Variants in AOPEP observed in about 807,000 individuals in gnomAD.
The protein encoded by AOPEP is aminopeptidase O.
Under a neutral mutation model 98.1 loss-of-function variants are expected in AOPEP, and 77 were observed. The observed-to-expected ratio is 0.78, with a 90% CI of 0.65 to 0.95. The LOEUF is 0.95. AOPEP is among the 40% of genes least tolerant of loss of function. The pLI, the probability that AOPEP is intolerant of heterozygous loss-of-function variation, is 0.00. For missense variants in AOPEP, 1,024 were observed against 1,024.7 expected (o/e 1.00, Z 0.01); for synonymous variants, 346 against 365.3 (o/e 0.95, Z 0.60).
At chr9:95,090,436 G>A (rs919058333), downstream of AOPEP, among the ~76,000 whole-genome samples, 8 of 152,178 alleles carry the variant, frequency 5.3e-5, no homozygotes, top group Middle Eastern at 6.3e-3. Flanking sequence ...TGCCGCCTCC[G>A]GCTGTCTGAA....
intron 1 of AOPEP, among the ~76,000 whole-genome samples, chr9:94,750,382 G>A (rs1425295329): frequency 6.6e-6 from 1 of 152,078 alleles, no homozygotes; most frequent in Non-Finnish European, 1.5e-5. Context: ...TCAGGAGATT[G>A]AGACCATCCT....
intron 5 of AOPEP, among the ~76,000 whole-genome samples, chr9:94,811,742 G>C (rs868209763): frequency 2.0e-5 from 3 of 152,324 alleles, no homozygotes; most frequent in Admixed American, 6.5e-5. Context: ...AACCACTCAG[G>C]TGCAGCCCCC....
chr9:95,004,137 G>A, intron 11 of AOPEP: 1 of 435,948 alleles, frequency 2.3e-6, no homozygotes, highest in Non-Finnish European at 4.6e-6. Flanking sequence ...AAAGTTAAAG[G>A]GATGGTCAAG....
the AOPEP span, chr9:95,114,534 T>A: frequency 9.0e-7 from 1 of 1,105,642 alleles, no homozygotes; most frequent in Non-Finnish European, 1.4e-6. Context: ...CCCAGACCAG[T>A]AATGCCTTCC....
intron 1 of AOPEP, among the ~76,000 whole-genome samples, chr9:94,737,868 C>A (rs1006766067): frequency 6.6e-6 from 1 of 152,070 alleles, no homozygotes; most frequent in Non-Finnish European, 1.5e-5. Context: ...TATGGTTCAG[C>A]TTAGGATGGA....
At position 94,948,532 on chromosome 9, in the gene AOPEP, G is replaced by A. The variant is rs560517129; in HGVS notation, c.1662-6645G>A. On this transcript the variant is annotated intron_variant, in intron 7 of 16. Coordinates refer to ENST00000375315, the MANE Select transcript of AOPEP (RefSeq NM_001193329.3). ...TCTCTTATCTTTGCAAATCGGAATA[G>A]CTGTCTACCTCCTTCAGCTTCTTTC... Among the ~76,000 whole-genome samples, 7 of 152,052 alleles carry A rather than the reference G, an allele frequency of 4.6e-5. No homozygotes were observed. In the South Asian group the frequency reaches 1.5e-3, roughly 32 times the overall value.
chr9:94,837,161 A>T (rs955941274), intron 5 of AOPEP, among the ~76,000 whole-genome samples: 1 of 152,200 alleles, frequency 6.6e-6, no homozygotes, highest in African/African-American at 2.4e-5. Context: ...AACAGAGGAG[A>T]TGGATAAATT....
At chr9:94,910,441 C>T (rs1233536343) in intron 5 of AOPEP, among the ~76,000 whole-genome samples, 2 of 152,202 alleles carry the variant, frequency 1.3e-5, no homozygotes, top group Non-Finnish European at 2.9e-5. Flanking sequence ...CCTTGCAGCA[C>T]GCAGCACATC....
At chr9:94,899,999 A>C (rs2050169691) in intron 5 of AOPEP, among the ~76,000 whole-genome samples, 1 of 152,142 alleles carries the variant, frequency 6.6e-6, no homozygotes, top group Non-Finnish European at 1.5e-5. Context: ...GAAATACTGA[A>C]CTATGAGTCT....
intron 1 of AOPEP, among the ~76,000 whole-genome samples, chr9:94,728,584 T>C (rs891378115): frequency 9.2e-5 from 14 of 152,154 alleles, no homozygotes; most frequent in Non-Finnish European, 1.8e-4. Context: ...GGGAGGGTTT[T>C]GTTCATTTGT....
chr9:94,887,181 C>G (rs1309942680), intron 5 of AOPEP, among the ~76,000 whole-genome samples: 3 of 151,364 alleles, frequency 2.0e-5, no homozygotes, highest in Non-Finnish European at 4.4e-5. Context: ...CCCGTCTCTA[C>G]AAAAAATTAA....
At chr9:94,938,017 G>A (rs2056530087) in intron 7 of AOPEP, among the ~76,000 whole-genome samples, 2 of 152,136 alleles carry the variant, frequency 1.3e-5, no homozygotes, top group Admixed American at 1.3e-4. Context: ...GGGACTACAG[G>A]CACATGCCAC....
chr9:94,728,866 G>T (rs1378440422), intron 1 of AOPEP, among the ~76,000 whole-genome samples: 1 of 152,240 alleles, frequency 6.6e-6, no homozygotes, highest in African/African-American at 2.4e-5. Flanking sequence ...ATGTGTGGAA[G>T]TTCTTGTGTG....
At chr9:94,862,926 C>A (rs1435374889) in intron 5 of AOPEP, among the ~76,000 whole-genome samples, 1 of 152,288 alleles carries the variant, frequency 6.6e-6, no homozygotes, top group East Asian at 1.9e-4. Flanking sequence ...CTTGATCATT[C>A]ACTAGAAAAG....
At chr9:94,868,929 C>T (rs1047986504) in intron 5 of AOPEP, among the ~76,000 whole-genome samples, 10 of 152,138 alleles carry the variant, frequency 6.6e-5, no homozygotes, top group Non-Finnish European at 1.3e-4. Flanking sequence ...CCTCTCAAAA[C>T]GTTTACTGTA....
chr9:95,116,455 CT>C, the AOPEP span, among the ~76,000 whole-genome samples: 1 of 152,222 alleles, frequency 6.6e-6, no homozygotes, highest in Non-Finnish European at 1.5e-5. Context: ...TGCTCTGAAA[CT>C]TTGAATCATT....
At chr9:94,968,805 T>C (rs2138379798) in intron 10 of AOPEP, among the ~76,000 whole-genome samples, 1 of 152,264 alleles carries the variant, frequency 6.6e-6, no homozygotes, top group Non-Finnish European at 1.5e-5. Context: ...ATTATAATCC[T>C]CTGTGTATCA....
Position 94,726,764 on chromosome 9 carries a change from CTCCCTGTTGGG to C in AOPEP, c.-136+20_-136+30del, listed in dbSNP as rs1829270264. 6.6e-6 allele frequency: 1 copy of C among 152,332 alleles called. No individual in the cohort carries two copies. The highest frequency in any genetic ancestry group is 3.1e-3 in the Middle Eastern group (1 of 318). The allele number at this position is 152,332 out of a possible 1,614,324, so 9.4% of individuals were successfully genotyped here. A position where few individuals can be genotyped will look rare whatever the true frequency, so the allele number is the denominator to read the frequency against. On this transcript the variant is annotated intron_variant, in intron 1 of 16. Coordinates refer to ENST00000375315, the MANE Select transcript of AOPEP (RefSeq NM_001193329.3). ...GCGGCTGAGACAGGTAACCTGTTCG[CTCCCTGTTGGG>C]TCCCTGCCTTCCTCTCCTCCGGCGT... is the stretch of plus-strand genomic sequence containing the variant.
chr9:95,080,649 T>G (rs2069638986), intron 14 of AOPEP, 45 bp from the exon 15 acceptor site: 1 of 1,461,668 alleles, frequency 6.8e-7, no homozygotes, highest in Non-Finnish European at 9.6e-7. Flanking sequence ...TGGGCTGGGA[T>G]GCCTGCCTGC....
Sources: allele counts gnomAD v4.1 joint callset (sites outside exome capture counted in the v4.1 genomes callset), GRCh38; gene constraint gnomAD v4.1.1; transcripts MANE v1.5; gene names NCBI Gene and HGNC (gene_info 2026-07-23, HGNC 2026-07-21).